The following FAT3 variants were observed in gnomAD, a reference collection of about 807,000 sequenced individuals.
FAT3 encodes the protein protocadherin Fat 3.
A neutral mutation model predicts 310.2 loss-of-function variants in FAT3; 95 were observed. That is an observed-to-expected ratio of 0.31 (90% confidence interval 0.26 to 0.36). The LOEUF is 0.36. FAT3 is among the 10% of genes least tolerant of loss of function. The pLI, the probability that FAT3 is intolerant of heterozygous loss-of-function variation, is 1.00. For synonymous variants in FAT3, 2,314 were observed against 2,192.9 expected (o/e 1.06, Z -1.54); for missense variants, 5,408 against 5,715.6 (o/e 0.95, Z 1.74).
chr11:92,343,034 C>T (rs1166538616), intron 1 of FAT3, among the ~76,000 whole-genome samples: 2 of 152,172 alleles, frequency 1.3e-5, no homozygotes. Flanking sequence ...TGATACTTGA[C>T]ATTAACCAGT....
At chr11:92,549,884 A>G (rs1264125951) in intron 3 of FAT3, among the ~76,000 whole-genome samples, 1 of 152,188 alleles carries the variant, frequency 6.6e-6, no homozygotes, top group Middle Eastern at 3.2e-3. Flanking sequence ...AACGCTTTAC[A>G]TATATACTCT....
At chr11:92,394,579 C>T (rs1040227435) in intron 2 of FAT3, among the ~76,000 whole-genome samples, 1 of 152,000 alleles carries the variant, frequency 6.6e-6, no homozygotes, top group Non-Finnish European at 1.5e-5. Flanking sequence ...TCTGTCACTG[C>T]TCAGCTGTGG....
chr11:92,481,635 C>T (rs1041746646), intron 2 of FAT3, among the ~76,000 whole-genome samples: 4 of 152,182 alleles, frequency 2.6e-5, no homozygotes, highest in Non-Finnish European at 5.9e-5. Flanking sequence ...GAGTCAACAT[C>T]TAAAACATAA....
At chr11:92,500,119 G>A (rs374545351) in intron 2 of FAT3, among the ~76,000 whole-genome samples, 4 of 151,978 alleles carry the variant, frequency 2.6e-5, no homozygotes, top group African/African-American at 2.4e-5. Flanking sequence ...TGTAGGAGAT[G>A]CTTAATGAAT....
At chr11:92,553,172 GC>G (rs1954881256) in intron 3 of FAT3, among the ~76,000 whole-genome samples, 1 of 152,002 alleles carries the variant, frequency 6.6e-6, no homozygotes, top group Non-Finnish European at 1.5e-5. Flanking sequence ...CAATAATGCT[GC>G]GAAAAATTAA....
At chr11:92,383,960 T>G (rs1213456236) in intron 2 of FAT3, among the ~76,000 whole-genome samples, 1 of 151,586 alleles carries the variant, frequency 6.6e-6, no homozygotes, top group African/African-American at 2.4e-5. Context: ...AACCCACAAT[T>G]TTTTTTTTGG....
At chr11:92,684,426 C>T (rs1449416562) in intron 3 of FAT3, among the ~76,000 whole-genome samples, 3 of 152,146 alleles carry the variant, frequency 2.0e-5, no homozygotes, top group Non-Finnish European at 4.4e-5. Flanking sequence ...CTGCCAGTTG[C>T]AGCTCTTAAT....
intron 13 of FAT3, among the ~76,000 whole-genome samples, chr11:92,822,035 A>T (rs538524961): frequency 4.1e-4 from 63 of 152,192 alleles, no homozygotes; most frequent in African/African-American, 1.3e-3. Context: ...TCTGCAGTTG[A>T]TTATAATGCC....
chr11:92,640,834 G>A (rs1941931987), intron 3 of FAT3, among the ~76,000 whole-genome samples: 1 of 152,196 alleles, frequency 6.6e-6, no homozygotes, highest in Non-Finnish European at 1.5e-5. Flanking sequence ...ATAAGGCACA[G>A]TTGGTGAATG....
intron 1 of FAT3, among the ~76,000 whole-genome samples, chr11:92,290,212 C>T (rs1485467652): frequency 6.6e-6 from 1 of 152,102 alleles, no homozygotes; most frequent in African/African-American, 2.4e-5. Context: ...CCTTCTTTCT[C>T]TCTATAGTCC....
intron 19 of FAT3, 118 bp downstream of exon 19, chr11:92,844,850 A>G: frequency 8.2e-7 from 1 of 1,218,596 alleles, no homozygotes; most frequent in Non-Finnish European, 1.1e-6. Flanking sequence ...ATGATCAATT[A>G]CTGTGTGCCC....
chr11:92,248,764 T>G (rs1041616189), intron 1 of FAT3, among the ~76,000 whole-genome samples: 16 of 152,070 alleles, frequency 1.1e-4, no homozygotes, highest in African/African-American at 3.6e-4. Context: ...CTCACATGTA[T>G]TTTAGTAAGG....
chr11:92,558,262 T>C (rs1159158409), intron 3 of FAT3, among the ~76,000 whole-genome samples: 7 of 152,012 alleles, frequency 4.6e-5, no homozygotes, highest in Non-Finnish European at 8.8e-5. Flanking sequence ...ATAGAAAATG[T>C]TTATTTAGGT....
chr11:92,604,642 C>A (rs1940188617), intron 3 of FAT3, among the ~76,000 whole-genome samples: 1 of 152,190 alleles, frequency 6.6e-6, no homozygotes, highest in Non-Finnish European at 1.5e-5. Context: ...CTTACTCTGT[C>A]TATACTCATC....
chr11:92,354,751 A>G lies in FAT3; in HGVS notation c.2639A>G (p.Asn880Ser), dbSNP rs369173768. Reference sequence around the variant, plus strand: ...ACAGATACACAGCAGTTTGCCATCAATAGCTCAACTGGAATCGTTTATGTA... The same window carrying G: ...ACAGATACACAGCAGTTTGCCATCAGTAGCTCAACTGGAATCGTTTATGTA... ...VLTDTQQFAI[N>S]SSTGIVYVAD... The change falls in exon 2 of 28, where the codon AAT (asparagine) becomes AGT (serine). Residue 880 changes from asparagine (N) to serine (S), a missense_variant. By Grantham distance (46) the Asn-to-Ser change is conservative. Coordinates refer to ENST00000525166, the MANE Select transcript of FAT3 (RefSeq NM_001367949.2). 9.4e-5 allele frequency: 151 copies of G among 1,613,960 alleles called. 1 individual carries two copies. In the South Asian group the frequency reaches 1.2e-3, roughly 13 times the overall value.
intron 2 of FAT3, among the ~76,000 whole-genome samples, chr11:92,433,220 G>C (rs1950837835): frequency 6.6e-6 from 1 of 152,146 alleles, no homozygotes; most frequent in African/African-American, 2.4e-5. Context: ...CCTGGCTTCA[G>C]CTGCCTTTCC....
chr11:92,362,771 T>G (rs1352441645), intron 2 of FAT3, among the ~76,000 whole-genome samples: 1 of 152,250 alleles, frequency 6.6e-6, no homozygotes, highest in East Asian at 1.9e-4. Context: ...TATTTAAATA[T>G]TTCTAAAACA....
intron 3 of FAT3, among the ~76,000 whole-genome samples, chr11:92,537,703 T>C (rs1954305671): frequency 6.6e-6 from 1 of 152,186 alleles, no homozygotes; most frequent in Admixed American, 6.5e-5. Context: ...AACTCAGCTA[T>C]GCTCCTTGCA....
In FAT3 at chr11:92,831,847, T is replaced by A; in HGVS notation, c.9707T>A (p.Phe3236Tyr). 1 of 1,613,672 alleles carries A rather than the reference T, an allele frequency of 6.2e-7. No individual in the cohort carries two copies. ...GACATTAATGACAACCCCCCTGTGTTTGAGAGGAGGGACTACCTGGTGACG... is the reference window on the plus strand; with the variant it reads ...GACATTAATGACAACCCCCCTGTGTATGAGAGGAGGGACTACCTGGTGACG... ...VLDINDNPPV[F>Y]ERRDYLVTVP... Residue 3236 changes from phenylalanine (F) to tyrosine (Y), a missense_variant, in exon 14 of 28, where the codon TTT becomes TAT. Phe to Tyr is a conservative substitution (Grantham distance 22). Transcript: ENST00000525166.
Sources: allele counts gnomAD v4.1 joint callset (sites outside exome capture counted in the v4.1 genomes callset), GRCh38; gene constraint gnomAD v4.1.1; transcripts MANE v1.5; gene names NCBI Gene and HGNC (gene_info 2026-07-23, HGNC 2026-07-21).